The following PIWIL2 variants were observed in gnomAD, a reference collection of about 807,000 sequenced individuals.
PIWIL2 encodes piwi-like protein 2.
Under a neutral mutation model 116.5 loss-of-function variants are expected in PIWIL2, and 81 were observed. The observed-to-expected ratio is 0.70, with a 90% CI of 0.58 to 0.84. The LOEUF (loss-of-function observed/expected upper bound fraction) is 0.84, where lower values mean the gene tolerates loss of function less well. Among genes scored for constraint, PIWIL2 ranks in the 40% least tolerant of loss-of-function variants. The pLI, the probability that PIWIL2 is intolerant of heterozygous loss-of-function variation, is 0.00. For synonymous variants in PIWIL2, 489 were observed against 429.5 expected, an observed-to-expected ratio of 1.14 and a Z score of -1.71; for missense variants, 1,272 against 1,212.3, an observed-to-expected ratio of 1.05 and a Z score of -0.73.
At chr8:22,296,493 A>C (rs952342498) in intron 10 of PIWIL2, among the ~76,000 whole-genome samples, 1 of 152,170 alleles carries the variant, frequency 6.6e-6, no homozygotes, top group South Asian at 2.1e-4. Flanking sequence ...CAGACCTTAC[A>C]TGTTTGAAAA....
intron 1 of PIWIL2, among the ~76,000 whole-genome samples, chr8:22,277,028 TA>T (rs112646637): frequency 0.091 from 12,906 of 141,316 alleles, 697 homozygotes; most frequent in South Asian, 0.19. Flanking sequence ...GATATATATA[TA>T]TATATTTTTT....
chr8:22,288,123 C>G (rs968776297), intron 7 of PIWIL2, among the ~76,000 whole-genome samples: 1 of 151,924 alleles, frequency 6.6e-6, no homozygotes, highest in Non-Finnish European at 1.5e-5. Flanking sequence ...ACGGTGAAAC[C>G]CTGTCTCTAC....
intron 7 of PIWIL2, 107 bp downstream of exon 7, chr8:22,287,752 T>G: frequency 1.4e-6 from 1 of 736,526 alleles, no homozygotes; most frequent in South Asian, 1.5e-5. Context: ...TTGCCCAGAC[T>G]GGTCTCGAAT....
intron 1 of PIWIL2, among the ~76,000 whole-genome samples, chr8:22,279,039 A>G (rs1219105181): frequency 6.6e-6 from 1 of 152,188 alleles, no homozygotes; most frequent in African/African-American, 2.4e-5. Flanking sequence ...TAAAGTACAC[A>G]ATAAATGTAA....
rs138672831 is a variant in PIWIL2 at position 22,321,143 on chromosome 8, A to G, written c.2403+2868A>G. On this transcript the variant is annotated intron_variant, in intron 20 of 22. Coordinates refer to ENST00000356766, the MANE Select transcript of PIWIL2 (RefSeq NM_018068.5). ...AAAAAATAAATTTGTTTTTAAATCT[A>G]GAATAAAACTGGCTCATCTGAATAT... Among the ~76,000 whole-genome samples the G allele has an allele frequency of 3.2e-4, 48 of 152,330 alleles. No homozygotes were observed. The East Asian group carries it at 7.0e-3, about 22-fold the overall frequency.
intron 12 of PIWIL2, among the ~76,000 whole-genome samples, chr8:22,305,305 G>A (rs577504983): frequency 6.6e-6 from 1 of 152,100 alleles, no homozygotes; most frequent in South Asian, 2.1e-4. Flanking sequence ...TCATTCTCCT[G>A]CCTCAGCCTC....
In PIWIL2 at chr8:22,290,245, G is replaced by A; in HGVS notation, c.1080G>A (p.Trp360Ter). ...CCTCTCTCTCCAGATTGCAGATCTG[G>A]CCAGGCTATGCAGCTAGCATCCGAA... ...MVLQQHRLQI[W>*]PGYAASIRRT... The change falls in exon 10 of 23, where the codon TGG becomes TGA. Residue 360 changes from tryptophan (W) to a stop codon, truncating the protein, a stop_gained. Coordinates refer to ENST00000356766, the MANE Select transcript of PIWIL2 (RefSeq NM_018068.5). LOFTEE classifies it high-confidence loss of function. The A allele has an allele frequency of 6.2e-7, 1 of 1,605,002 alleles. No homozygotes were observed. The highest frequency in any genetic ancestry group is 8.5e-7 in the Non-Finnish European group (1 of 1,172,330).
At chr8:22,292,906 C>A (rs1274261702) in intron 10 of PIWIL2, among the ~76,000 whole-genome samples, 1 of 152,194 alleles carries the variant, frequency 6.6e-6, no homozygotes, top group East Asian at 1.9e-4. Context: ...TGGCATGGAA[C>A]TTCAGCATGA....
chr8:22,277,659 CTGTG>C (rs552075542), intron 1 of PIWIL2, among the ~76,000 whole-genome samples: 2 of 151,914 alleles, frequency 1.3e-5, no homozygotes, highest in African/African-American at 4.8e-5. Context: ...GCATGAACCA[CTGTG>C]TGTGTGTGCT....
In PIWIL2 at chr8:22,288,298, C is replaced by CAAAAA. The variant is rs5890028; in HGVS notation, c.862-228_862-224dup. ...GGGTGACAGAGCGAGACTCTGTCTC[C>CAAAAA]AAAAAAAAAAAAAAAAAAAATTGCA... is the stretch of plus-strand genomic sequence containing the variant. On this transcript the variant is annotated intron_variant, in intron 7 of 22. Transcript: ENST00000356766. 2.4e-4 allele frequency among the ~76,000 whole-genome samples: 25 copies of CAAAAA among 102,218 alleles called. 1 individual carries two copies. Among genetic ancestry groups the CAAAAA allele is most frequent in the South Asian group, 6.3e-4 (2 of 3,194 alleles). The allele number at this position is 102,218 out of a possible 152,430, so 67.1% of individuals were successfully genotyped here.
At chr8:22,352,766 G>A (rs775942053) in intron 20 of PIWIL2, 193 bp from the exon 21 acceptor site, 2 of 525,450 alleles carry the variant, frequency 3.8e-6, no homozygotes, top group East Asian at 5.7e-5. Context: ...CACCAGGCGT[G>A]TTTTACTACC....
In PIWIL2 at chr8:22,305,834, G is replaced by C. The variant is rs139558998; in HGVS notation, c.1456-93G>C. 2.2e-4 allele frequency: 188 copies of C among 855,632 alleles called. 1 individual carries two copies. The African/African-American group carries it at 2.7e-3, about 12-fold the overall frequency. The allele number at this position is 855,632 out of a possible 1,614,324, so 53.0% of individuals were successfully genotyped here. The stretch of plus-strand genomic sequence containing the variant: ...TCCTTAGTGCGCAAGGTATATCACT[G>C]CAGGAGCAGCCCTGGCCATGACATG... On this transcript the variant is annotated intron_variant, in intron 12 of 22. Transcript: ENST00000356766.
chr8:22,343,786 T>A (rs1586596307), intron 20 of PIWIL2, among the ~76,000 whole-genome samples: 1 of 151,850 alleles, frequency 6.6e-6, no homozygotes. Context: ...TCACGGCTGG[T>A]GAGAATGGAA....
At chr8:22,318,537 C>T (rs1039062707) in intron 20 of PIWIL2, among the ~76,000 whole-genome samples, 2 of 152,094 alleles carry the variant, frequency 1.3e-5, no homozygotes, top group African/African-American at 4.8e-5. Flanking sequence ...AGGCTGGTTT[C>T]GAACTCCTGA....
chr8:22,304,007 A>T lies in PIWIL2; in HGVS notation c.1182-14A>T, dbSNP rs749459507. 1.3e-6 allele frequency: 2 copies of T among 1,590,494 alleles called. No homozygotes were observed. The highest frequency in any genetic ancestry group is 4.5e-5 in the East Asian group (2 of 44,800). On this transcript the variant is annotated splice_polypyrimidine_tract_variant and intron_variant, in intron 10 of 22. Transcript: ENST00000356766. ...ATATACTGTGATCCAAAAGTCTTTT[A>T]TCTCTTTCCAAAGGCATGCCATTTA...
chr8:22,288,371 G>A lies in PIWIL2; in HGVS notation c.862-171G>A, dbSNP rs901709442. ...TCTTACCAAATCATTTTTCTGAATC[G>A]TAGTTGTCATGCTGTGCTTTTGCTA... is the stretch of plus-strand genomic sequence containing the variant. On this transcript the variant is annotated intron_variant, in intron 7 of 22. Transcript: ENST00000356766. Among the ~76,000 whole-genome samples the A allele has an allele frequency of 4.0e-5, 6 of 151,732 alleles. No individual in the cohort carries two copies. The East Asian group carries it at 7.7e-4, about 20-fold the overall frequency.
intron 20 of PIWIL2, among the ~76,000 whole-genome samples, chr8:22,332,250 A>G (rs918486403): frequency 1.2e-4 from 18 of 152,274 alleles, no homozygotes; most frequent in African/African-American, 4.3e-4. Flanking sequence ...CAGAGGTTAT[A>G]GTGAGCTGAG....
chr8:22,312,114 A>G (rs554790463), intron 16 of PIWIL2, among the ~76,000 whole-genome samples: 59 of 152,098 alleles, frequency 3.9e-4, no homozygotes, highest in African/African-American at 1.3e-3. Flanking sequence ...AAATCTAAAC[A>G]TTAGCTGGGT....
At chr8:22,282,466 G>A (rs1024004368) in intron 4 of PIWIL2, among the ~76,000 whole-genome samples, 23 of 152,028 alleles carry the variant, frequency 1.5e-4, no homozygotes, top group African/African-American at 5.6e-4. Context: ...GGGATTATAG[G>A]CGTGAGCCCC....
Sources: allele counts gnomAD v4.1 joint callset (sites outside exome capture counted in the v4.1 genomes callset), GRCh38; gene constraint gnomAD v4.1.1; transcripts MANE v1.5; gene names NCBI Gene and HGNC (gene_info 2026-07-23, HGNC 2026-07-21).